CLCN5: variants seen among roughly 807,000 people sequenced by gnomAD.
CLCN5 encodes Cl-/H+ antiporter 5.
In CLCN5, 17 loss-of-function variants were observed where a neutral mutation model predicts 54.0. That is an observed-to-expected ratio of 0.31 (90% CI 0.22 to 0.47). CLCN5 has a LOEUF of 0.47. Ranked by LOEUF, CLCN5 falls within the 20% of genes least tolerant of loss-of-function variation. The pLI, the probability that CLCN5 is intolerant of heterozygous loss-of-function variation, is 1.00. For missense variants in CLCN5, 448 were observed against 646.7 expected (o/e 0.69, Z 3.33); for synonymous variants, 222 against 233.0 (o/e 0.95, Z 0.43).
intron 3 of CLCN5, among the ~76,000 whole-genome samples, chrX:49,963,897 G>A (rs1173172997): frequency 2.7e-5 from 3 of 111,978 alleles, no homozygotes; most frequent in Non-Finnish European, 5.6e-5. Flanking sequence ...CTTATCTTGG[G>A]CAAATTCATT....
At chrX:49,979,268 T>C (rs61182149) in intron 3 of CLCN5, among the ~76,000 whole-genome samples, 16,835 of 111,103 alleles carry the variant, frequency 0.15, 3,151 homozygotes, top group African/African-American at 0.53. Context: ...GTCTTGCTTA[T>C]AGCCCACCTC....
chrX:50,056,911 C>G (rs1318083928), intron 4 of CLCN5, among the ~76,000 whole-genome samples: 1 of 111,942 alleles, frequency 8.9e-6, no homozygotes, highest in African/African-American at 3.2e-5. Context: ...TCTTGCAGTT[C>G]CATTTCCCAC....
At position 50,075,915 on chromosome X, in the gene CLCN5, C is replaced by T. The variant is rs1557192079; in HGVS notation, c.536C>T (p.Thr179Ile). 1 of 1,211,398 alleles carries T rather than the reference C, an allele frequency of 8.3e-7. No homozygotes were observed. The highest frequency in any genetic ancestry group is 1.8e-5 in the South Asian group (1 of 56,960). Residue 179 changes from threonine to isoleucine, a missense_variant, in exon 7 of 15, where the codon ACC (threonine) becomes ATC (isoleucine). Physicochemically the swap from Thr to Ile is moderately conservative, Grantham distance 89. Transcript: ENST00000376091. Reference protein sequence around the residue: ...EHCCWNSEHVTFEERDKCPEW... With the variant: ...EHCCWNSEHVIFEERDKCPEW... Reference sequence around the variant, plus strand: ...TGTTGCTGGAACTCTGAGCATGTCACCTTTGAAGAGAGAGACAAATGTCCA... The same window carrying T: ...TGTTGCTGGAACTCTGAGCATGTCATCTTTGAAGAGAGAGACAAATGTCCA...
chrX:49,942,141 A>G (rs1569536875), intron 3 of CLCN5, among the ~76,000 whole-genome samples: 2 of 45,157 alleles, frequency 4.4e-5, no homozygotes, highest in Admixed American at 5.8e-4. Context: ...ATCTTGATTA[A>G]TGTTAAATTA....
chrX:49,957,367 A>G (rs1443719789), intron 3 of CLCN5, among the ~76,000 whole-genome samples: 2 of 112,277 alleles, frequency 1.8e-5, no homozygotes. Flanking sequence ...AGGGAATATT[A>G]TCATTCTGTT....
intron 4 of CLCN5, 46 bp downstream of exon 4, chrX:50,042,508 A>G: frequency 1.2e-6 from 1 of 867,615 alleles, no homozygotes; most frequent in Non-Finnish European, 1.5e-6. Context: ...TTTAAAATTT[A>G]TGTACAATAA....
At chrX:49,984,975 GT>G (rs1261322492) in intron 3 of CLCN5, among the ~76,000 whole-genome samples, 6 of 102,432 alleles carry the variant, frequency 5.9e-5, no homozygotes, top group Admixed American at 1.0e-4. Flanking sequence ...TACTTGGGCT[GT>G]TTTTTTTTTG....
At chrX:50,062,802 A>C (rs1932880652) in intron 4 of CLCN5, among the ~76,000 whole-genome samples, 1 of 102,765 alleles carries the variant, frequency 9.7e-6, no homozygotes, top group Non-Finnish European at 1.9e-5. Context: ...AATTATAACA[A>C]ACTATCTCTC....
intron 3 of CLCN5, among the ~76,000 whole-genome samples, chrX:49,958,023 T>A (rs1157402845): frequency 1.8e-5 from 2 of 110,765 alleles, no homozygotes; most frequent in Non-Finnish European, 3.8e-5. Context: ...CATGCAACTT[T>A]ATCACATGCA....
rs183008995 is a variant in CLCN5, at chrX:50,016,354, T to C, written c.17-25962T>C. 3.8e-3 allele frequency among the ~76,000 whole-genome samples: 424 copies of C among 111,390 alleles called. 3 individuals carry two copies. Among genetic ancestry groups the C allele is most frequent in the Middle Eastern group, 9.4e-3 (2 of 213 alleles). The stretch of plus-strand genomic sequence containing the variant: ...TGGCTCTTTTAGTTTCTTTTCATAT[T>C]TTAAAAATTCATAGACTTTTTTGAG... On this transcript the variant is annotated intron_variant, in intron 3 of 14. Transcript: ENST00000376091.
At chrX:49,967,519 A>G (rs1337611682) in intron 3 of CLCN5, among the ~76,000 whole-genome samples, 7 of 92,541 alleles carry the variant, frequency 7.6e-5, no homozygotes, top group South Asian at 4.6e-4. Context: ...ATATACGCAA[A>G]TCAATAAATG....
chrX:50,003,842 A>C (rs1208833876), intron 3 of CLCN5, among the ~76,000 whole-genome samples: 3 of 111,951 alleles, frequency 2.7e-5, no homozygotes, highest in Non-Finnish European at 3.8e-5. Flanking sequence ...GTTCTGTCTT[A>C]GCGGCACCTA....
intron 4 of CLCN5, among the ~76,000 whole-genome samples, chrX:50,058,323 G>C (rs1412909640): frequency 1.8e-5 from 2 of 111,302 alleles, no homozygotes; most frequent in Non-Finnish European, 3.8e-5. Flanking sequence ...TTGTGTTTTT[G>C]TTAGTGTTTA....
intron 3 of CLCN5, among the ~76,000 whole-genome samples, chrX:49,960,122 C>T (rs1009848154): frequency 1.8e-5 from 2 of 110,769 alleles, no homozygotes; most frequent in African/African-American, 6.6e-5. Flanking sequence ...TTCTTTCCCA[C>T]CCAGCAAGCA....
chrX:49,975,448 C>T (rs1412456824), intron 3 of CLCN5, among the ~76,000 whole-genome samples: 1 of 110,906 alleles, frequency 9.0e-6, no homozygotes, highest in Non-Finnish European at 1.9e-5. Flanking sequence ...CTCCATTTAC[C>T]CTCTTCCTAT....
chrX:50,077,619 AGAGTGTGT>A (rs1437530527), intron 7 of CLCN5, among the ~76,000 whole-genome samples: 135 of 88,369 alleles, frequency 1.5e-3, no homozygotes, highest in African/African-American at 5.9e-3. Context: ...AGAGAGAGAG[AGAGTGTGT>A]GTGTGTGTGT....
Position 50,090,511 on chromosome X carries a change from A to G in CLCN5, c.2140A>G (p.Ile714Val), listed in dbSNP as rs782696367. 4.7e-5 allele frequency: 57 copies of G among 1,201,521 alleles called. No homozygotes were observed. The South Asian group carries it at 7.2e-4, about 15-fold the overall frequency. Residue 714 changes from isoleucine (I) to valine (V), a missense_variant, in exon 13 of 15, where the codon ATT becomes GTT. Physicochemically the swap from Ile to Val is conservative, Grantham distance 29. Transcript: ENST00000376091. ...CCTCCGAAGAGATCTCATTATTTCA[A>G]TTGGTAAGGATTTCAGAAAGGGGAT... ...FVLRRDLIIS[I>V]ENARKKQDGV...
At chrX:50,064,138 T>C (rs1389739116) in intron 4 of CLCN5, among the ~76,000 whole-genome samples, 2 of 108,095 alleles carry the variant, frequency 1.9e-5, no homozygotes, top group East Asian at 5.8e-4. Flanking sequence ...CTATTCAACA[T>C]AGTGTTGGAA....
chrX:49,998,848 T>A (rs903819133), intron 3 of CLCN5, among the ~76,000 whole-genome samples: 4 of 111,436 alleles, frequency 3.6e-5, no homozygotes, highest in Admixed American at 1.9e-4. Flanking sequence ...AAGGGTTTGC[T>A]GGCTTGAGTC....
Sources: gnomAD v4.1 joint callset for allele counts (sites outside exome capture counted in the v4.1 genomes callset) on GRCh38, gnomAD v4.1.1 for gene constraint, MANE v1.5 for transcripts, NCBI Gene and HGNC (gene_info 2026-07-23, HGNC 2026-07-21) for gene names.